The following SYT6 variants were observed in gnomAD, a reference collection of about 807,000 sequenced individuals.
The protein encoded by SYT6 is synaptotagmin-6.
SYT6 carries 24 observed loss-of-function variants against 38.4 expected under a neutral mutation model. That is an observed-to-expected ratio of 0.62 (90% CI 0.45 to 0.88). The LOEUF (loss-of-function observed/expected upper bound fraction) is 0.88, where lower values mean the gene tolerates loss of function less well. Among genes scored for constraint, SYT6 ranks in the 40% least tolerant of loss-of-function variants. SYT6 has a pLI of 0.00. For synonymous variants in SYT6, 265 were observed against 241.9 expected, an observed-to-expected ratio of 1.10 and a Z score of -0.89; for missense variants, 611 against 621.0, an observed-to-expected ratio of 0.98 and a Z score of 0.17.
chr1:114,130,829 C>T (rs532962150), intron 3 of SYT6, among the ~76,000 whole-genome samples: 1 of 152,272 alleles, frequency 6.6e-6, no homozygotes, highest in Admixed American at 6.5e-5. Context: ...CAGGACAGAC[C>T]TAGAAACCTG....
intron 3 of SYT6, among the ~76,000 whole-genome samples, chr1:114,127,357 G>A (rs1677807888): frequency 6.6e-6 from 1 of 152,136 alleles, no homozygotes. Context: ...GGGATGGAGG[G>A]TGGAACCCAC....
rs1327725517 is a variant in SYT6, at chr1:114,093,741, C to T, written c.*45G>A. The T allele has an allele frequency of 1.2e-6, 2 of 1,613,924 alleles. No individual in the cohort carries two copies. The highest frequency in any genetic ancestry group is 1.3e-5 in the African/African-American group (1 of 75,028). ...GTCCACACCAGGTACTTACTCCTAA[C>T]TCCAGGTGGCAGTCTCTCTGCTTGC... is the stretch of plus-strand genomic sequence containing the variant. On this transcript the variant is annotated 3_prime_UTR_variant, in exon 7 of 8. Coordinates refer to ENST00000610222, the MANE Select transcript of SYT6 (RefSeq NM_001253772.2).
In SYT6 at chr1:114,129,714, G is replaced by C. The variant is rs533881678; in HGVS notation, c.1071+7781C>G. Among the ~76,000 whole-genome samples, 54 of 149,492 alleles carry C rather than the reference G, an allele frequency of 3.6e-4. 1 individual carries two copies. Among genetic ancestry groups the C allele is most frequent in the African/African-American group, 1.3e-3 (52 of 40,182 alleles). On this transcript the variant is annotated intron_variant, in intron 3 of 7. Coordinates refer to ENST00000610222, the MANE Select transcript of SYT6 (RefSeq NM_001253772.2). ...TGACAGAGTCTTGCTCTGTTGGCCA[G>C]TCTGATGGATCACAGTGCAGTGGTG...
intron 5 of SYT6, among the ~76,000 whole-genome samples, chr1:114,098,193 A>G (rs1036332170): frequency 2.6e-5 from 4 of 152,224 alleles, no homozygotes; most frequent in African/African-American, 4.8e-5. Context: ...CCGCCAACAC[A>G]TTACAACCTC....
rs1255904637 is a variant in SYT6 at position 114,149,206 on chromosome 1, A to T, written c.163+4404T>A. Among the ~76,000 whole-genome samples the T allele has an allele frequency of 4.2e-4, 7 of 16,524 alleles. No individual in the cohort carries two copies. In the African/African-American group the frequency reaches 7.7e-3, roughly 18 times the overall value. 10.8% of individuals were successfully genotyped at this position (16,524 alleles called of 152,430 possible). A position where few individuals can be genotyped will look rare whatever the true frequency, so the allele number is the denominator to read the frequency against. ...CCTGAGGAATATCTGAGAGAGAGAG[A>T]GAGAGAGAGATTGTGTGTGTGTGTG... On this transcript the variant is annotated intron_variant, in intron 1 of 7. Transcript: ENST00000610222.
intron 3 of SYT6, among the ~76,000 whole-genome samples, chr1:114,105,888 T>C (rs2100994860): frequency 6.6e-6 from 1 of 152,284 alleles, no homozygotes; most frequent in Middle Eastern, 3.4e-3. Flanking sequence ...TCATTTTTGT[T>C]TCCATTCGTA....
intron 2 of SYT6, among the ~76,000 whole-genome samples, chr1:114,138,681 G>A (rs561869366): frequency 7.2e-5 from 11 of 152,234 alleles, no homozygotes; most frequent in Admixed American, 6.5e-4. Context: ...CATATGAAGT[G>A]CTTAGAATAG....
chr1:114,090,549 AT>A lies in SYT6; in HGVS notation c.*1584del, dbSNP rs1267363996. The A allele has an allele frequency of 2.0e-5, 3 of 152,346 alleles. No homozygotes were observed. The highest frequency in any genetic ancestry group is 7.2e-5 in the African/African-American group (3 of 41,442). 9.4% of individuals were successfully genotyped at this position (152,346 alleles called of 1,614,324 possible). On this transcript the variant is annotated 3_prime_UTR_variant, in exon 8 of 8. Transcript: ENST00000610222. ...CTTTATTGGTCGCTGCTCCTCTACC[AT>A]GTAGCATATATAAAGAATAAGACAC...
intron 3 of SYT6, among the ~76,000 whole-genome samples, chr1:114,105,893 T>C (rs1676280686): frequency 6.6e-6 from 1 of 152,150 alleles, no homozygotes. Flanking sequence ...TTTGTTTCCA[T>C]TCGTATTTAC....
intron 4 of SYT6, 109 bp downstream of exon 4, chr1:114,103,492 T>G: frequency 6.9e-7 from 1 of 1,457,244 alleles, no homozygotes. Context: ...TGTCCAGAGC[T>G]GGTGCTTCTA....
Position 114,153,767 on chromosome 1 carries a change from G to T in SYT6, c.6C>A (p.Ser2Arg). Residue 2 changes from serine (S) to arginine (R), a missense_variant, in exon 1 of 8, where the codon AGC becomes AGA. Coordinates refer to ENST00000610222, the MANE Select transcript of SYT6 (RefSeq NM_001253772.2). M[S>R]GVWGAGGPRC... is the part of the protein sequence containing the mutation. ...GAGGCCCGCCGGCCCCCCACACTCC[G>T]CTCATGCCCTAGACACCCAGGCTTG... is the stretch of plus-strand genomic sequence containing the variant. 1.5e-6 allele frequency: 1 copy of T among 678,930 alleles called. No homozygotes were observed. Among genetic ancestry groups the T allele is most frequent in the Non-Finnish European group, 2.7e-6 (1 of 375,454 alleles). 42.1% of individuals were successfully genotyped at this position (678,930 alleles called of 1,614,324 possible).
At chr1:114,138,085 G>A (rs1397371131) in intron 2 of SYT6, 32 bp from the exon 3 acceptor site, 6 of 1,595,608 alleles carry the variant, frequency 3.8e-6, no homozygotes, top group Non-Finnish European at 4.3e-6. Flanking sequence ...CAGAGGGAGT[G>A]TGGTCAGGGC....
chr1:114,135,947 A>T (rs1678453568), intron 3 of SYT6, among the ~76,000 whole-genome samples: 1 of 152,134 alleles, frequency 6.6e-6, no homozygotes, highest in South Asian at 2.1e-4. Flanking sequence ...TGATTTATGG[A>T]GTGGAGCGCT....
chr1:114,109,793 A>G (rs918265768), intron 3 of SYT6, among the ~76,000 whole-genome samples: 2 of 152,162 alleles, frequency 1.3e-5, no homozygotes, highest in African/African-American at 2.4e-5. Flanking sequence ...GGAAGAAGGA[A>G]TTCAGCCCCA....
intron 1 of SYT6, among the ~76,000 whole-genome samples, chr1:114,149,184 G>A (rs1279176584): frequency 1.8e-4 from 6 of 33,708 alleles, no homozygotes; most frequent in Non-Finnish European, 3.7e-4. Context: ...AGGTGTACCT[G>A]AGGAATATCT....
rs1017132694 is a variant in SYT6, at chr1:114,153,748, C to T, written c.25G>A (p.Gly9Arg). 4.4e-6 allele frequency: 3 copies of T among 680,774 alleles called. No homozygotes were observed. Among genetic ancestry groups the T allele is most frequent in the African/African-American group, 1.9e-5 (1 of 53,876 alleles). The allele number at this position is 680,774 out of a possible 1,614,324, so 42.2% of individuals were successfully genotyped here. The change falls in exon 1 of 8, where the codon GGG becomes AGG. Residue 9 changes from glycine to arginine, a missense_variant. Gly to Arg is a moderately radical substitution (Grantham distance 125). Coordinates refer to ENST00000610222, the MANE Select transcript of SYT6 (RefSeq NM_001253772.2). MSGVWGAG[G>R]PRCQEALAVL... ...GCGAGCGCCTCCTGGCACCGAGGCC[C>T]GCCGGCCCCCCACACTCCGCTCATG... is the stretch of plus-strand genomic sequence containing the variant.
At chr1:114,101,111 C>T (rs1006922107) in intron 4 of SYT6, among the ~76,000 whole-genome samples, 1 of 152,128 alleles carries the variant, frequency 6.6e-6, no homozygotes, top group Non-Finnish European at 1.5e-5. Context: ...TGGTCTTGAA[C>T]TTCTGGGCTC....
intron 3 of SYT6, among the ~76,000 whole-genome samples, chr1:114,129,605 TTTCTTTCTTTCC>T (rs1677993857): frequency 1.1e-5 from 1 of 94,428 alleles, no homozygotes; most frequent in Non-Finnish European, 2.4e-5. Flanking sequence ...TCTTTCTTTC[TTTCTTTCTTTCC>T]TTTCTTTCTT....
chr1:114,123,339 C>T (rs1281140758), intron 3 of SYT6, among the ~76,000 whole-genome samples: 1 of 152,226 alleles, frequency 6.6e-6, no homozygotes, highest in Non-Finnish European at 1.5e-5. Context: ...CAATGTGTCA[C>T]TACAGAGATG....
Sources: gnomAD v4.1 joint callset for allele counts (sites outside exome capture counted in the v4.1 genomes callset) on GRCh38, gnomAD v4.1.1 for gene constraint, MANE v1.5 for transcripts, NCBI Gene and HGNC (gene_info 2026-07-23, HGNC 2026-07-21) for gene names.